The following KCNG1 variants were observed in gnomAD, a reference collection of about 807,000 sequenced individuals.
KCNG1 encodes voltage-gated potassium channel regulatory subunit KCNG1.
Under a neutral mutation model 32.4 loss-of-function variants are expected in KCNG1, and 17 were observed. That is an observed-to-expected ratio of 0.52 (90% confidence interval 0.36 to 0.79). The LOEUF is 0.79. Ranked by LOEUF, KCNG1 falls within the 30% of genes least tolerant of loss-of-function variation. The pLI is 0.00. For missense variants in KCNG1, 441 were observed against 735.2 expected (o/e 0.60, Z 4.63); for synonymous variants, 358 against 339.9 (o/e 1.05, Z -0.59).
chr20:51,019,819 C>T (rs936388903), intron 1 of KCNG1, among the ~76,000 whole-genome samples: 6 of 152,194 alleles, frequency 3.9e-5, no homozygotes, highest in Admixed American at 6.5e-5. Context: ...CTGGCCGAGC[C>T]GACTCAGAGG....
At chr20:51,012,942 C>T (rs6020911) in intron 1 of KCNG1, among the ~76,000 whole-genome samples, 83,033 of 152,024 alleles carry the variant, frequency 0.55, 25,014 homozygotes, top group African/African-American at 0.82. Context: ...ATTATAGCCA[C>T]AGAGCTCTCT....
At chr20:51,014,793 G>A (rs1988217762) in intron 1 of KCNG1, among the ~76,000 whole-genome samples, 1 of 152,178 alleles carries the variant, frequency 6.6e-6, no homozygotes, top group Admixed American at 6.5e-5. Flanking sequence ...GTGGGGTGTG[G>A]GGCAACATTG....
At chr20:51,006,732 A>C (rs1987842545) in intron 2 of KCNG1, 1 of 152,198 alleles carries the variant, frequency 6.6e-6, no homozygotes, top group Non-Finnish European at 1.5e-5. Flanking sequence ...GGGTTTCTCC[A>C]TGTTGGTCAG....
chr20:51,008,791 G>A (rs1028241313), intron 2 of KCNG1, among the ~76,000 whole-genome samples: 4 of 152,164 alleles, frequency 2.6e-5, no homozygotes, highest in Non-Finnish European at 5.9e-5. Flanking sequence ...GCTGCCACGT[G>A]GACACCATAT....
Position 51,004,277 on chromosome 20 carries a change from G to T in KCNG1, c.1304C>A (p.Thr435Asn), listed in dbSNP as rs1394906138. The change falls in exon 3 of 3, where the codon ACC becomes AAC. Residue 435 changes from threonine (T) to asparagine (N), a missense_variant. This residue lies in a region of KCNG1 where 12 missense variants were observed against 51.4 expected (regional missense o/e 0.23). Transcript: ENST00000371571. This position sits in a 1 kb window ranked among gnomAD's most constrained non-coding sequence, Gnocchi z 4.3. ...GCTCAGGGCCACTACCTGGCCCGGG[G>T]TGCTCCTGGGGACCATGTCGCCATA... ...VGYGDMVPRSTPGQVVALSSI... is the reference protein window; with the variant it reads ...VGYGDMVPRSNPGQVVALSSI... The T allele has an allele frequency of 6.2e-7, 1 of 1,613,508 alleles. No individual in the cohort carries two copies. The highest frequency in any genetic ancestry group is 8.5e-7 in the Non-Finnish European group (1 of 1,179,480).
At chr20:51,008,386 AG>A (rs1444293869) in intron 2 of KCNG1, among the ~76,000 whole-genome samples, 1 of 152,190 alleles carries the variant, frequency 6.6e-6, no homozygotes. Flanking sequence ...GCAGGAGTGC[AG>A]TGGCGTGATC....
chr20:51,009,433 C>A, intron 2 of KCNG1, 132 bp downstream of exon 2: 1 of 1,098,716 alleles, frequency 9.1e-7, no homozygotes, highest in Non-Finnish European at 1.3e-6. Context: ...CACAAACATT[C>A]CTGATGTCAG....
chr20:51,013,517 T>C (rs1988171096), intron 1 of KCNG1, among the ~76,000 whole-genome samples: 1 of 152,034 alleles, frequency 6.6e-6, no homozygotes, highest in South Asian at 2.1e-4. Context: ...AATGTTTTAA[T>C]AGGTGCTGGA....
chr20:51,010,927 CA>C (rs978296613), intron 1 of KCNG1, among the ~76,000 whole-genome samples: 763 of 8,704 alleles, frequency 0.088, 6 homozygotes, highest in Non-Finnish European at 0.18. Context: ...CAAAACAAAA[CA>C]AAAAAAAAAG....
intron 1 of KCNG1, among the ~76,000 whole-genome samples, chr20:51,014,555 A>T (rs769709746): frequency 6.6e-6 from 1 of 152,158 alleles, no homozygotes; most frequent in Non-Finnish European, 1.5e-5. Context: ...GGTGTCATTC[A>T]TTCCTTTATT....
rs377479756 is a variant in KCNG1 at position 51,004,196 on chromosome 20, G to C, written c.1385C>G (p.Thr462Ser). 1.2e-6 allele frequency: 2 copies of C among 1,614,150 alleles called. No homozygotes were observed. The highest frequency in any genetic ancestry group is 1.7e-6 in the Non-Finnish European group (2 of 1,180,014). ...MAFPVTSIFH[T>S]FSRSYLELKQ... is the part of the protein sequence containing the mutation. ...GAGCTCCAGGTAGGAGCGGGAGAAG[G>C]TGTGGAAGATGGAGGTGACTGGGAA... Residue 462 changes from threonine (T) to serine (S), a missense_variant, in exon 3 of 3, where the codon ACC becomes AGC. Physicochemically the swap from Thr to Ser is moderately conservative, Grantham distance 58. Around this residue, in one of 6 missense-constraint regions of KCNG1, gnomAD observed 53 missense variants for 79.1 expected, o/e 0.67. Transcript: ENST00000371571. The surrounding 1 kb of genome is among the most constrained non-coding windows in gnomAD (Gnocchi z 4.3).
At chr20:51,018,814 A>G (rs927390802) in intron 1 of KCNG1, among the ~76,000 whole-genome samples, 1 of 152,220 alleles carries the variant, frequency 6.6e-6, no homozygotes, top group African/African-American at 2.4e-5. Flanking sequence ...GTGGGACTCC[A>G]GGCCGAACCT....
chr20:51,018,932 T>G (rs551692714), intron 1 of KCNG1, among the ~76,000 whole-genome samples: 2 of 152,316 alleles, frequency 1.3e-5, no homozygotes, highest in East Asian at 3.9e-4. Flanking sequence ...TTCTAGTCTC[T>G]ATTTCATATG....
Position 51,015,120 on chromosome 20 carries a change from G to A in KCNG1, c.-26-4756C>T, listed in dbSNP as rs933643536. ...ACAACGAGTGGGCTGGGGAGCCCAG[G>A]CTGGAGGCTATGGAAGTCATTCTGG... On this transcript the variant is annotated intron_variant, in intron 1 of 2. Coordinates refer to ENST00000371571, the MANE Select transcript of KCNG1 (RefSeq NM_002237.4). The surrounding 1 kb of genome is among the most constrained non-coding windows in gnomAD (Gnocchi z 4.4). Among the ~76,000 whole-genome samples the A allele has an allele frequency of 6.6e-6, 1 of 152,192 alleles. No individual in the cohort carries two copies. The highest frequency in any genetic ancestry group is 2.4e-5 in the African/African-American group (1 of 41,446).
In KCNG1 at chr20:51,023,046, C is replaced by T. The variant is rs937073923; in HGVS notation, c.-203G>A. ...TTCGGTCCCGGGGCCCGGCTCAGCT[C>T]CCGCCCTCGGAGCCACGGCCGCCCC... On this transcript the variant is annotated 5_prime_UTR_variant, in exon 1 of 3. Transcript: ENST00000371571. 1 of 152,186 alleles carries T rather than the reference C, an allele frequency of 6.6e-6. No homozygotes were observed. Among genetic ancestry groups the T allele is most frequent in the Non-Finnish European group, 1.5e-5 (1 of 68,060 alleles). The allele number at this position is 152,186 out of a possible 1,614,324, so 9.4% of individuals were successfully genotyped here. A position where few individuals can be genotyped will look rare whatever the true frequency, so the allele number is the denominator to read the frequency against.
chr20:51,014,081 G>A (rs6091248), intron 1 of KCNG1: 72,559 of 152,002 alleles, frequency 0.48, 18,283 homozygotes, highest in African/African-American at 0.66. Context: ...AGTTTCCTGT[G>A]TGGAAAGTGA....
intron 1 of KCNG1, among the ~76,000 whole-genome samples, chr20:51,017,660 C>T (rs920247432): frequency 2.0e-5 from 3 of 152,094 alleles, no homozygotes; most frequent in African/African-American, 2.4e-5. Context: ...CCTTCCCAGT[C>T]GGAATGTCTG....
At chr20:51,013,697 A>G (rs1183056658) in intron 1 of KCNG1, 1 of 152,162 alleles carries the variant, frequency 6.6e-6, no homozygotes, top group East Asian at 1.9e-4. Flanking sequence ...AAATGATTTG[A>G]TTTTAGATGG....
In KCNG1 at chr20:51,003,910, C is replaced by T. The variant is rs1018643737; in HGVS notation, c.*129G>A. 41 of 996,694 alleles carry T rather than the reference C, an allele frequency of 4.1e-5. No individual in the cohort carries two copies. In the Admixed American group the frequency reaches 7.7e-4, roughly 19 times the overall value. The allele number at this position is 996,694 out of a possible 1,614,324, so 61.7% of individuals were successfully genotyped here. A position where few individuals can be genotyped will look rare whatever the true frequency, so the allele number is the denominator to read the frequency against. On this transcript the variant is annotated 3_prime_UTR_variant, in exon 3 of 3. Transcript: ENST00000371571. ...GTGTGGGAGTGAGGGTGTCCTTCCC[C>T]GGGTGCGTGGGAGTCGGTGCTGCGC...
Sources: allele counts gnomAD v4.1 joint callset (sites outside exome capture counted in the v4.1 genomes callset), GRCh38; gene constraint gnomAD v4.1.1; regional missense constraint gnomAD v4.1.1; non-coding constraint Gnocchi (gnomAD v3.1); transcripts MANE v1.5; gene names NCBI Gene and HGNC (gene_info 2026-07-23, HGNC 2026-07-21).